TBXAS1: variants seen among roughly 807,000 people sequenced by gnomAD.
The protein encoded by TBXAS1 is thromboxane A synthase 1, also known as thromboxane-A synthase.
Under a neutral mutation model 60.7 loss-of-function variants are expected in TBXAS1, and 48 were observed. That is an observed-to-expected ratio of 0.79 (90% CI 0.63 to 1.01). TBXAS1 has a LOEUF of 1.01. TBXAS1 is among the 50% of genes least tolerant of loss of function. The pLI is 0.00. For missense variants in TBXAS1, 685 were observed against 686.3 expected (o/e 1.00, Z 0.02); for synonymous variants, 287 against 269.7 (o/e 1.06, Z -0.63).
intron 4 of TBXAS1, among the ~76,000 whole-genome samples, chr7:139,819,000 G>GCTGCAAT (rs1386793576): frequency 1.3e-5 from 2 of 152,204 alleles, no homozygotes; most frequent in Non-Finnish European, 2.9e-5. Context: ...TTAGCAGAGG[G>GCTGCAAT]CTGCAATTGC....
chr7:139,830,683 C>G (rs536117291), intron 1 of TBXAS1, among the ~76,000 whole-genome samples: 68 of 152,180 alleles, frequency 4.5e-4, no homozygotes, highest in African/African-American at 1.5e-3. Flanking sequence ...CCGGGAAGCC[C>G]GAAGCACAGT....
At chr7:139,979,308 T>A (rs1424886662) in intron 9 of TBXAS1, among the ~76,000 whole-genome samples, 5 of 152,240 alleles carry the variant, frequency 3.3e-5, no homozygotes, top group Non-Finnish European at 5.9e-5. Context: ...ATAAATGGCA[T>A]TTTTAACTTC....
Position 139,984,643 on chromosome 7 carries a change from A to AG in TBXAS1, c.1134+22410_1134+22411insG, listed in dbSNP as rs1569522275. 1.4e-3 allele frequency among the ~76,000 whole-genome samples: 117 copies of AG among 84,690 alleles called. 2 individuals are homozygous for AG. The highest frequency in any genetic ancestry group is 5.5e-3 in the African/African-American group (104 of 19,008). 55.6% of individuals were successfully genotyped at this position (84,690 alleles called of 152,430 possible). A position where few individuals can be genotyped will look rare whatever the true frequency, so the allele number is the denominator to read the frequency against. On this transcript the variant is annotated intron_variant, in intron 9 of 12. Transcript: ENST00000448866. ...GAGAGAGAGAGAGAGAGAGAGAGAG[A>AG]AAGAAAGAAAGGGAAGGGGGAAAGA...
At chr7:139,907,993 G>T (rs894995979) in intron 3 of TBXAS1, among the ~76,000 whole-genome samples, 18 of 151,952 alleles carry the variant, frequency 1.2e-4, no homozygotes, top group African/African-American at 4.3e-4. Context: ...TGCAGTGTTT[G>T]TAGTGATATC....
At chr7:139,972,940 G>C (rs2267701) in intron 9 of TBXAS1, among the ~76,000 whole-genome samples, 23,291 of 152,056 alleles carry the variant, frequency 0.15, 2,015 homozygotes, top group East Asian at 0.32. Flanking sequence ...ACAGATTTGA[G>C]GGGGGACGAG....
intron 10 of TBXAS1, among the ~76,000 whole-genome samples, chr7:140,007,517 A>G (rs910278967): frequency 6.6e-6 from 1 of 152,110 alleles, no homozygotes; most frequent in African/African-American, 2.4e-5. Flanking sequence ...TCATTCATTC[A>G]GCAATTGTTT....
At chr7:139,884,416 C>A (rs1193161647) in intron 3 of TBXAS1, among the ~76,000 whole-genome samples, 1 of 152,202 alleles carries the variant, frequency 6.6e-6, no homozygotes, top group Non-Finnish European at 1.5e-5. Flanking sequence ...ATGTGGATAT[C>A]TTCTCCCAGG....
intron 3 of TBXAS1, chr7:139,787,281 G>A (rs1319556561): frequency 6.6e-6 from 1 of 152,112 alleles, no homozygotes; most frequent in East Asian, 1.9e-4. Flanking sequence ...TGCCCTAGGT[G>A]GTACACTTCA....
intron 2 of TBXAS1, among the ~76,000 whole-genome samples, chr7:139,781,427 C>G (rs962213046): frequency 9.2e-5 from 14 of 152,098 alleles, no homozygotes; most frequent in African/African-American, 3.4e-4. Context: ...AAAAAGAGCT[C>G]CCCATGGACA....
Position 139,952,630 on chromosome 7 carries a change from G to GT in TBXAS1, c.451-735dup. On this transcript the variant is annotated intron_variant, in intron 5 of 12. Transcript: ENST00000448866. The stretch of plus-strand genomic sequence containing the variant: ...GCTCCACAAAGAATTCCACCCACCC[G>GT]TTTGTCGAAGCCGAGTGGTATCTAT... The GT allele has an allele frequency of 2.6e-6, 4 of 1,537,142 alleles. No individual in the cohort carries two copies. The East Asian group carries it at 9.8e-5, about 38-fold the overall frequency.
At chr7:139,986,791 GTGTGTGTGTATATATATATA>G (rs769133088) in intron 9 of TBXAS1, among the ~76,000 whole-genome samples, 1,175 of 42,268 alleles carry the variant, frequency 0.028, 35 homozygotes, top group Admixed American at 0.053. Context: ...GTGTGTGTGT[GTGTGTGTGTATATATATATA>G]TATATACACC....
At chr7:139,944,455 C>T (rs1006637996) in intron 5 of TBXAS1, among the ~76,000 whole-genome samples, 12 of 152,154 alleles carry the variant, frequency 7.9e-5, no homozygotes, top group Admixed American at 7.9e-4. Flanking sequence ...CACTAGAGCT[C>T]GAGGAGCTAT....
intron 9 of TBXAS1, among the ~76,000 whole-genome samples, chr7:139,973,694 G>A (rs1031572470): frequency 1.3e-5 from 2 of 152,052 alleles, no homozygotes; most frequent in East Asian, 1.9e-4. Context: ...ATTGCAATGC[G>A]GAAGGTTTAT....
rs181463722 is a variant in TBXAS1, at chr7:139,965,720, G to C, written c.1134+3487G>C. 2.5e-3 allele frequency among the ~76,000 whole-genome samples: 375 copies of C among 152,084 alleles called. 2 individuals are homozygous for C. The highest frequency in any genetic ancestry group is 8.5e-3 in the African/African-American group (351 of 41,514). ...CTTCCCCTATGTGATAGCTGGTTGT[G>C]GGGGGGAGTCTCTGAAAAATGGGAA... On this transcript the variant is annotated intron_variant, in intron 9 of 12. Transcript: ENST00000448866.
rs370471633 is a variant in TBXAS1 at position 139,800,742 on chromosome 7, T to G, written c.-80+13316T>G. On this transcript the variant is annotated intron_variant, in intron 4 of 16. Transcript: ENST00000336425. Reference sequence around the variant, plus strand: ...TCTTGATGATTTCAGACTCTTTGGATAGAATATTCTCCCTTCTATCTGAGA... The same window carrying G: ...TCTTGATGATTTCAGACTCTTTGGAGAGAATATTCTCCCTTCTATCTGAGA... Among the ~76,000 whole-genome samples, 11 of 152,342 alleles carry G rather than the reference T, an allele frequency of 7.2e-5. No individual in the cohort carries two copies. In the East Asian group the frequency reaches 1.3e-3, roughly 19 times the overall value.
intron 9 of TBXAS1, among the ~76,000 whole-genome samples, chr7:139,984,928 G>GA (rs1251680378): frequency 4.8e-5 from 3 of 62,926 alleles, no homozygotes; most frequent in Admixed American, 4.5e-4. Context: ...AAGAAGGAAA[G>GA]AAAGAAAGAA....
intron 4 of TBXAS1, 111 bp downstream of exon 4, chr7:139,911,432 A>C (rs1299521918): frequency 1.9e-5 from 19 of 990,784 alleles, no homozygotes; most frequent in Non-Finnish European, 2.3e-5. Flanking sequence ...GGTTTATGTC[A>C]GTTCCACTCA....
chr7:139,854,289 T>C (rs957833931), intron 1 of TBXAS1, among the ~76,000 whole-genome samples: 5 of 152,122 alleles, frequency 3.3e-5, no homozygotes, highest in Admixed American at 1.3e-4. Flanking sequence ...GTGTGAGTCA[T>C]GCAAGATTGC....
chr7:139,838,804 G>C (rs540824659), intron 1 of TBXAS1, among the ~76,000 whole-genome samples: 1 of 152,320 alleles, frequency 6.6e-6, no homozygotes, highest in Admixed American at 6.5e-5. Flanking sequence ...GTGAACTGGG[G>C]CATCAGGGGA....
Sources: gnomAD v4.1 joint callset for allele counts (sites outside exome capture counted in the v4.1 genomes callset) on GRCh38, gnomAD v4.1.1 for gene constraint, MANE v1.5 for transcripts, NCBI Gene and HGNC (gene_info 2026-07-23, HGNC 2026-07-21) for gene names.